QTRT2: variants seen among roughly 807,000 people sequenced by gnomAD.
The protein encoded by QTRT2 is queuine tRNA-ribosyltransferase domain containing 1.
A neutral mutation model predicts 44.8 loss-of-function variants in QTRT2; 32 were observed. The ratio of observed to expected loss-of-function variants is 0.71; its 90% CI spans 0.54 to 0.96. QTRT2 has a LOEUF of 0.96. QTRT2 is among the 40% of genes least tolerant of loss of function. The pLI, the probability that QTRT2 is intolerant of heterozygous loss-of-function variation, is 0.00. For missense variants in QTRT2, 461 were observed against 503.1 expected, an observed-to-expected ratio of 0.92 and a Z score of 0.80; for synonymous variants, 182 against 187.4, an observed-to-expected ratio of 0.97 and a Z score of 0.24.
rs34402903 is a variant in QTRT2 at position 114,085,861 on chromosome 3, A to G, written c.1205A>G (p.Lys402Arg). 10,927 of 1,614,150 alleles carry G rather than the reference A, an allele frequency of 6.8e-3. 630 individuals carry two copies. The African/African-American group carries it at 0.12, about 18-fold the overall frequency. The change falls in exon 10 of 10, where the codon AAA becomes AGA. Residue 402 changes from lysine (K) to arginine (R), a missense_variant. Transcript: ENST00000281273. ...ATCCGGGAAGCACTAAAAAGTGACAAACTGGCACAGTTGAAAGAGCTCATC... is the reference window on the plus strand; with the variant it reads ...ATCCGGGAAGCACTAAAAAGTGACAGACTGGCACAGTTGAAAGAGCTCATC... ...HYIREALKSD[K>R]LAQLKELIHR...
chr3:114,080,305 T>A (rs1005640939), intron 8 of QTRT2, among the ~76,000 whole-genome samples: 4 of 152,224 alleles, frequency 2.6e-5, no homozygotes, highest in African/African-American at 4.8e-5. Context: ...AAACCTCCTC[T>A]GTTAACAGCC....
chr3:114,085,706 A>T lies in QTRT2; in HGVS notation c.1050A>T (p.Gly350=). ...YQEDFNPLVR[G]CSCYCCKNHT... ...AGGACTTTAACCCGCTGGTGAGAGG[A>T]TGTTCCTGTTACTGCTGTAAGAATC... is the stretch of plus-strand genomic sequence containing the variant. Residue 350 remains glycine, a synonymous_variant, in exon 10 of 10, where the codon GGA becomes GGT. Coordinates refer to ENST00000281273, the MANE Select transcript of QTRT2 (RefSeq NM_024638.4). 1 of 1,614,170 alleles carries T rather than the reference A, an allele frequency of 6.2e-7. No homozygotes were observed. Among genetic ancestry groups the T allele is most frequent in the South Asian group, 1.1e-5 (1 of 91,082 alleles).
intron 2 of QTRT2, among the ~76,000 whole-genome samples, chr3:114,062,368 CAAAAAAAAA>C (rs143192501): frequency 1.2e-5 from 1 of 86,150 alleles, no homozygotes; most frequent in African/African-American, 4.5e-5. Context: ...GACCTTGTCT[CAAAAAAAAA>C]AAAAAAAAAA....
chr3:114,058,010 T>G (rs958478469), intron 2 of QTRT2, among the ~76,000 whole-genome samples: 2 of 152,212 alleles, frequency 1.3e-5, no homozygotes, highest in African/African-American at 4.8e-5. Flanking sequence ...ACTTCAATAA[T>G]TAAAGTCCTT....
In QTRT2 at chr3:114,085,990, GCTTTA is replaced by G; in HGVS notation, c.*87_*91del. ...AAGACGTGAAGAAGAAATAATCTGA[GCTTTA>G]ATTATTTATATTTGGATATAAGGTC... On this transcript the variant is annotated 3_prime_UTR_variant, in exon 10 of 10. Coordinates refer to ENST00000281273, the MANE Select transcript of QTRT2 (RefSeq NM_024638.4). 2 of 1,059,334 alleles carry G rather than the reference GCTTTA, an allele frequency of 1.9e-6. No individual in the cohort carries two copies. The highest frequency in any genetic ancestry group is 2.9e-6 in the Non-Finnish European group (2 of 691,852). 65.6% of individuals were successfully genotyped at this position (1,059,334 alleles called of 1,614,324 possible).
intron 2 of QTRT2, among the ~76,000 whole-genome samples, chr3:114,063,882 T>C (rs563830024): frequency 7.0e-4 from 106 of 152,306 alleles, no homozygotes; most frequent in Non-Finnish European, 1.4e-3. Flanking sequence ...ATTTTAACAA[T>C]GGTTGACTTT....
Position 114,056,805 on chromosome 3 carries a change from G to A in QTRT2, c.-189G>A. The A allele has an allele frequency of 1.3e-6, 2 of 1,532,822 alleles. No individual in the cohort carries two copies. The highest frequency in any genetic ancestry group is 1.7e-6 in the Non-Finnish European group (2 of 1,145,164). The allele number at this position is 1,532,822 out of a possible 1,614,324, so 95.0% of individuals were successfully genotyped here. On this transcript the variant is annotated 5_prime_UTR_variant, in exon 1 of 10. In the 5' UTR this introduces an upstream ATG that the reference lacks. Transcript: ENST00000281273. ...GCAGAGAATTTTGCAACACGTGGTA[G>A]TGAACTGTGAGGAGTTTGAGGGGTC...
Position 114,086,546 on chromosome 3 carries a change from C to T in QTRT2, c.*642C>T, listed in dbSNP as rs1232405477. The T allele has an allele frequency of 6.5e-6, 1 of 153,718 alleles. No homozygotes were observed. Among genetic ancestry groups the T allele is most frequent in the Non-Finnish European group, 1.4e-5 (1 of 69,060 alleles). The allele number at this position is 153,718 out of a possible 1,614,324, so 9.5% of individuals were successfully genotyped here. ...ATTTGACCACATGGCCTATTTGCAA[C>T]TTCTTTTTAGAGCCAATGTAATTGC... On this transcript the variant is annotated 3_prime_UTR_variant, in exon 10 of 10. Coordinates refer to ENST00000281273, the MANE Select transcript of QTRT2 (RefSeq NM_024638.4).
At chr3:114,079,740 C>G (rs1431748339) in intron 7 of QTRT2, 166 bp from the exon 8 acceptor site, 1 of 537,950 alleles carries the variant, frequency 1.9e-6, no homozygotes, top group Non-Finnish European at 3.3e-6. Context: ...GGCTCCAAAG[C>G]CATATGTTCT....
In QTRT2 at chr3:114,065,453, TC is replaced by T. The variant is rs1247891666; in HGVS notation, c.199del (p.Leu67Ter). The stretch of plus-strand genomic sequence containing the variant: ...TGCCATGGCTCAGCTTACGCTGTCA[TC>T]CCTGTAAGTGTTAGAACCAATGATT... Reference protein sequence around the residue: ...VPAMAQLTLSSLAEHHEVLTE... With the variant: ...VPAMAQLTLSXLAEHHEVLTE... On this transcript the variant is annotated frameshift_variant, in exon 3 of 10. Transcript: ENST00000281273. LOFTEE classifies it high-confidence loss of function. 1 of 1,611,190 alleles carries T rather than the reference TC, an allele frequency of 6.2e-7. No homozygotes were observed. The highest frequency in any genetic ancestry group is 2.2e-5 in the East Asian group (1 of 44,868).
At chr3:114,070,389 CAGA>C (rs1379137435) in intron 5 of QTRT2, among the ~76,000 whole-genome samples, 2 of 151,508 alleles carry the variant, frequency 1.3e-5, no homozygotes, top group Non-Finnish European at 2.9e-5. Flanking sequence ...TAGGGGAGAG[CAGA>C]AGATGTTAGA....
intron 8 of QTRT2, among the ~76,000 whole-genome samples, chr3:114,080,817 G>T (rs755287358): frequency 5.9e-5 from 9 of 152,040 alleles, no homozygotes; most frequent in Admixed American, 4.6e-4. Flanking sequence ...TTCCTTAAAG[G>T]TTCATTTTAT....
chr3:114,059,486 A>G (rs1411594438), intron 2 of QTRT2, among the ~76,000 whole-genome samples: 3 of 152,248 alleles, frequency 2.0e-5, no homozygotes, highest in African/African-American at 7.2e-5. Context: ...TTATTACTTC[A>G]TAGTAACAAT....
In QTRT2 at chr3:114,087,216, TCTATG is replaced by T; in HGVS notation, c.*1317_*1321del. The stretch of plus-strand genomic sequence containing the variant: ...ATAAGAAATACATTTGTTTTATACT[TCTATG>T]CTATATTTTGCTATTCAAAATTTAG... On this transcript the variant is annotated 3_prime_UTR_variant, in exon 10 of 10. Transcript: ENST00000281273. The T allele has an allele frequency of 6.6e-6, 1 of 152,314 alleles. No homozygotes were observed. Among genetic ancestry groups the T allele is most frequent in the South Asian group, 2.1e-4 (1 of 4,830 alleles). The allele number at this position is 152,314 out of a possible 1,614,324, so 9.4% of individuals were successfully genotyped here.
chr3:114,085,890 A>T lies in QTRT2; in HGVS notation c.1234A>T (p.Arg412Trp). The part of the protein sequence containing the change: ...KLAQLKELIH[R>W]QAS The stretch of plus-strand genomic sequence containing the variant: ...GGCACAGTTGAAAGAGCTCATCCAC[A>T]GGCAAGCATCTTGAGATCTTGCAAA... The change falls in exon 10 of 10, where the codon AGG (arginine) becomes TGG (tryptophan). Residue 412 changes from arginine (R) to tryptophan (W), a missense_variant. By Grantham distance (101) the Arg-to-Trp change is moderately radical. Coordinates refer to ENST00000281273, the MANE Select transcript of QTRT2 (RefSeq NM_024638.4). The T allele has an allele frequency of 6.2e-7, 1 of 1,613,726 alleles. No individual in the cohort carries two copies. The highest frequency in any genetic ancestry group is 1.6e-4 in the Middle Eastern group (1 of 6,062).
At chr3:114,069,636 AATCT>A (rs2107793206) in intron 5 of QTRT2, among the ~76,000 whole-genome samples, 1 of 152,258 alleles carries the variant, frequency 6.6e-6, no homozygotes, top group East Asian at 1.9e-4. Context: ...TTCTTTATCC[AATCT>A]ATCATTGATG....
At chr3:114,077,129 C>T (rs961795209) in intron 7 of QTRT2, 187 bp downstream of exon 7, 5 of 597,988 alleles carry the variant, frequency 8.4e-6, no homozygotes, top group East Asian at 2.8e-5. Flanking sequence ...CTGTCCTGGC[C>T]TTGATTTCAG....
In QTRT2 at chr3:114,076,726, C is replaced by A; in HGVS notation, c.547-17C>A. The A allele has an allele frequency of 5.0e-6, 8 of 1,612,092 alleles. No homozygotes were observed. Among genetic ancestry groups the A allele is most frequent in the Non-Finnish European group, 6.8e-6 (8 of 1,178,210 alleles). ...ATACTGAAAATGGTTAAAAACATAT[C>A]ATCCTTCTTACCTCAGGTTCTTCAG... is the stretch of plus-strand genomic sequence containing the variant. On this transcript the variant is annotated splice_polypyrimidine_tract_variant and intron_variant, in intron 6 of 9. Transcript: ENST00000281273.
In QTRT2 at chr3:114,082,658, T is replaced by G. The variant is rs966182502; in HGVS notation, c.899-19T>G. ...TTATCTGATCATCATTCAAGCCTTTTTATTGGTTTGTCCTTCAGTACTACA... is the reference window on the plus strand; with the variant it reads ...TTATCTGATCATCATTCAAGCCTTTGTATTGGTTTGTCCTTCAGTACTACA... On this transcript the variant is annotated intron_variant, in intron 8 of 9. Coordinates refer to ENST00000281273, the MANE Select transcript of QTRT2 (RefSeq NM_024638.4). The G allele has an allele frequency of 2.6e-5, 26 of 986,132 alleles. No individual in the cohort carries two copies. The highest frequency in any genetic ancestry group is 5.0e-5 in the Admixed American group (2 of 39,620). 61.1% of individuals were successfully genotyped at this position (986,132 alleles called of 1,614,324 possible).
Sources: allele counts gnomAD v4.1 joint callset (sites outside exome capture counted in the v4.1 genomes callset), GRCh38; gene constraint gnomAD v4.1.1; transcripts MANE v1.5; gene names NCBI Gene and HGNC (gene_info 2026-07-23, HGNC 2026-07-21).